Variants in EDAR observed in about 807,000 individuals in gnomAD.
EDAR encodes ectodysplasin A receptor.
In EDAR, 38 loss-of-function variants were observed where a neutral mutation model predicts 51.3. The observed-to-expected ratio is 0.74, with a 90% CI of 0.57 to 0.97. The LOEUF (loss-of-function observed/expected upper bound fraction) is 0.97, where lower values mean the gene tolerates loss of function less well. Ranked by LOEUF, EDAR falls within the 50% of genes least tolerant of loss-of-function variation. EDAR has a pLI of 0.00. For synonymous variants in EDAR, 227 were observed against 242.1 expected (o/e 0.94, Z 0.58); for missense variants, 528 against 595.0 (o/e 0.89, Z 1.17).
At chr2:108,947,814 C>T (rs1697743324) in intron 1 of EDAR, among the ~76,000 whole-genome samples, 1 of 152,194 alleles carries the variant, frequency 6.6e-6, no homozygotes, top group African/African-American at 2.4e-5. Flanking sequence ...CTGACATGCC[C>T]TGGAGACATT....
chr2:108,979,448 G>GTC lies in EDAR; in HGVS notation c.-19+9510_-19+9511dup, dbSNP rs200484270. On this transcript the variant is annotated intron_variant, in intron 1 of 11. Transcript: ENST00000258443. ...TCTCTCTCTCTCTTTCTCTCTCTCT[G>GTC]TCTCTGTCTCTCTCTCTCTCACACA... Among the ~76,000 whole-genome samples the GTC allele has an allele frequency of 4.2e-3, 582 of 140,020 alleles. 2 individuals are homozygous for GTC. Among genetic ancestry groups the GTC allele is most frequent in the South Asian group, 9.0e-3 (38 of 4,210 alleles). 91.9% of individuals were successfully genotyped at this position (140,020 alleles called of 152,430 possible). A position where few individuals can be genotyped will look rare whatever the true frequency, so the allele number is the denominator to read the frequency against.
chr2:108,964,928 T>C (rs1698120184), intron 1 of EDAR, among the ~76,000 whole-genome samples: 1 of 152,238 alleles, frequency 6.6e-6, no homozygotes, highest in East Asian at 1.9e-4. Flanking sequence ...TCATTCATTC[T>C]AATTAAATCC....
rs3833574 is a variant in EDAR, at chr2:108,906,291, C to CT, written c.1024+16dup. 127 of 1,610,296 alleles carry CT rather than the reference C, an allele frequency of 7.9e-5. No homozygotes were observed. The highest frequency in any genetic ancestry group is 1.6e-4 in the Middle Eastern group (1 of 6,062). On this transcript the variant is annotated intron_variant, in intron 11 of 11. Coordinates refer to ENST00000258443, the MANE Select transcript of EDAR (RefSeq NM_022336.4). Reference sequence around the variant, plus strand: ...TGGGGTGGGCACCACCTCTCCCAGGCTTTTTTTTCAGCTTACCTTCCACGA... The same window carrying CT: ...TGGGGTGGGCACCACCTCTCCCAGGCTTTTTTTTTCAGCTTACCTTCCACGA...
chr2:108,926,274 T>A (rs537065452), intron 4 of EDAR, among the ~76,000 whole-genome samples: 74 of 152,194 alleles, frequency 4.9e-4, no homozygotes, highest in Non-Finnish European at 9.9e-4. Flanking sequence ...TTGCTACTTT[T>A]TGATCCATAT....
At chr2:108,978,547 G>C (rs1277291608) in intron 1 of EDAR, among the ~76,000 whole-genome samples, 1 of 152,216 alleles carries the variant, frequency 6.6e-6, no homozygotes, top group African/African-American at 2.4e-5. Context: ...TCCCAAGGAG[G>C]CTGAGGTTCA....
intron 1 of EDAR, among the ~76,000 whole-genome samples, chr2:108,931,980 G>A (rs993477979): frequency 5.9e-5 from 9 of 152,088 alleles, no homozygotes; most frequent in Non-Finnish European, 1.3e-4. Flanking sequence ...ACACAGCCCA[G>A]AAGACCAGCT....
rs1361527814 is a variant in EDAR, at chr2:108,964,963, A to G, written c.-19+23997T>C. ...CTATAAAGTTCAGCTTAACATTTAA[A>G]TTTTTTTTAATGATCTAAGACTCTC... On this transcript the variant is annotated intron_variant, in intron 1 of 11. Transcript: ENST00000258443. Among the ~76,000 whole-genome samples the G allele has an allele frequency of 2.0e-5, 3 of 152,154 alleles. No individual in the cohort carries two copies. The East Asian group carries it at 5.8e-4, about 29-fold the overall frequency.
At chr2:108,948,807 C>T (rs975453784) in intron 1 of EDAR, among the ~76,000 whole-genome samples, 7 of 152,066 alleles carry the variant, frequency 4.6e-5, no homozygotes, top group Admixed American at 1.3e-4. Context: ...GACACAGAGA[C>T]AAATCATCAT....
intron 1 of EDAR, among the ~76,000 whole-genome samples, chr2:108,950,866 C>T (rs955036869): frequency 6.6e-5 from 10 of 152,242 alleles, no homozygotes; most frequent in African/African-American, 2.2e-4. Flanking sequence ...GAGCAAGGGA[C>T]CCAGGCCTTC....
chr2:108,906,509 G>T, intron 10 of EDAR, 141 bp from the exon 11 acceptor site: 1 of 868,102 alleles, frequency 1.2e-6, no homozygotes. Context: ...CAGCAGCCCA[G>T]CCCTGACACA....
intron 1 of EDAR, among the ~76,000 whole-genome samples, chr2:108,976,703 T>G (rs1230046978): frequency 6.6e-6 from 1 of 152,242 alleles, no homozygotes; most frequent in African/African-American, 2.4e-5. Context: ...TAACCCAATA[T>G]TACATTATTT....
intron 5 of EDAR, among the ~76,000 whole-genome samples, chr2:108,918,837 A>G (rs549157128): frequency 1.3e-5 from 2 of 152,290 alleles, no homozygotes; most frequent in South Asian, 2.1e-4. Flanking sequence ...TGCAGAGGGT[A>G]AAAGATTGCA....
chr2:108,900,044 T>A lies in EDAR; in HGVS notation c.1025-2815A>T, dbSNP rs556697735. On this transcript the variant is annotated intron_variant, in intron 11 of 11. Transcript: ENST00000258443. ...ATAAGTTATATGTGTCAATGCAATGTCTAGAGAAACTACTAAAATAACTAT... is the reference window on the plus strand; with the variant it reads ...ATAAGTTATATGTGTCAATGCAATGACTAGAGAAACTACTAAAATAACTAT... Among the ~76,000 whole-genome samples the A allele has an allele frequency of 9.2e-5, 14 of 152,220 alleles. No individual in the cohort carries two copies. In the South Asian group the frequency reaches 2.9e-3, roughly 32 times the overall value.
chr2:108,963,266 A>G (rs1355778010), intron 1 of EDAR, among the ~76,000 whole-genome samples: 1 of 152,200 alleles, frequency 6.6e-6, no homozygotes, highest in Non-Finnish European at 1.5e-5. Context: ...GTAAGCAAAA[A>G]TGATCACGCA....
At chr2:108,974,065 C>T (rs2104450110) in intron 1 of EDAR, among the ~76,000 whole-genome samples, 1 of 152,106 alleles carries the variant, frequency 6.6e-6, no homozygotes, top group Admixed American at 6.5e-5. Flanking sequence ...CGCGGTGGCT[C>T]ACGCCTGTAA....
chr2:108,978,493 G>A (rs1698367422), intron 1 of EDAR, among the ~76,000 whole-genome samples: 1 of 152,230 alleles, frequency 6.6e-6, no homozygotes, highest in Admixed American at 6.5e-5. Context: ...TTTCTAGAGG[G>A]TAGAGCTCCG....
intron 1 of EDAR, among the ~76,000 whole-genome samples, chr2:108,963,452 T>C (rs1337976827): frequency 1.3e-5 from 2 of 152,148 alleles, no homozygotes; most frequent in East Asian, 1.9e-4. Context: ...TATTTGAAAG[T>C]GGATTCACGT....
At chr2:108,924,801 C>A (rs1228478132) in intron 4 of EDAR, among the ~76,000 whole-genome samples, 1 of 152,246 alleles carries the variant, frequency 6.6e-6, no homozygotes, top group Non-Finnish European at 1.5e-5. Flanking sequence ...AAGCCTCTCG[C>A]AAATCTACCT....
intron 1 of EDAR, among the ~76,000 whole-genome samples, chr2:108,937,620 GTGTCTGTA>G (rs1697500179): frequency 1.2e-5 from 1 of 80,640 alleles, no homozygotes; most frequent in South Asian, 5.8e-4. Context: ...ATGTGTGTGA[GTGTCTGTA>G]TGTTTATGTT....
Sources: gnomAD v4.1 joint callset for allele counts (sites outside exome capture counted in the v4.1 genomes callset) on GRCh38, gnomAD v4.1.1 for gene constraint, MANE v1.5 for transcripts, NCBI Gene and HGNC (gene_info 2026-07-23, HGNC 2026-07-21) for gene names.